FER1L5: variants seen among roughly 807,000 people sequenced by gnomAD.
The protein encoded by FER1L5 is fer-1-like protein 5.
A neutral mutation model predicts 279.9 loss-of-function variants in FER1L5; 187 were observed. The ratio of observed to expected loss-of-function variants is 0.67; its 90% CI spans 0.59 to 0.75. FER1L5 has a LOEUF of 0.75. Ranked by LOEUF, FER1L5 falls within the 30% of genes least tolerant of loss-of-function variation. The pLI is 0.00. For missense variants in FER1L5, 2,091 were observed against 2,594.4 expected (o/e 0.81, Z 4.21); for synonymous variants, 921 against 989.7 (o/e 0.93, Z 1.30).
chr2:96,660,615 C>A (rs2075917679), intron 10 of FER1L5, among the ~76,000 whole-genome samples: 1 of 152,172 alleles, frequency 6.6e-6, no homozygotes, highest in Non-Finnish European at 1.5e-5. Flanking sequence ...AGTGCAGTGG[C>A]TCAATCTTGG....
chr2:96,675,572 G>A (rs573533180), intron 19 of FER1L5, among the ~76,000 whole-genome samples: 19 of 151,916 alleles, frequency 1.3e-4, no homozygotes, highest in South Asian at 2.1e-4. Context: ...GATTACAGGC[G>A]CCTGCCACCA....
intron 50 of FER1L5, 77 bp from the exon 51 acceptor site, chr2:96,703,446 A>G: frequency 1.2e-6 from 2 of 1,606,740 alleles, no homozygotes; most frequent in Non-Finnish European, 1.7e-6. Flanking sequence ...TCCTTTCTTG[A>G]TCCCGGGAAG....
In FER1L5 at chr2:96,661,362, G is replaced by A. The variant is rs979452005; in HGVS notation, c.816G>A (p.Gln272=). The A allele has an allele frequency of 4.5e-6, 7 of 1,551,500 alleles. No individual in the cohort carries two copies. Among genetic ancestry groups the A allele is most frequent in the African/African-American group, 1.4e-5 (1 of 73,148 alleles). ...TAAGGAAATGGCTAGGCCTCTGCCA[G>A]CCAAATAACCCTGGCAGTGGTGTGA... is the stretch of plus-strand genomic sequence containing the variant. ...TLLRKWLGLC[Q]PNNPGSGVTG... is the part of the protein sequence containing the mutation. The change falls in exon 11 of 53, where the codon CAG becomes CAA. Residue 272 remains glutamine (Q), a synonymous_variant. Transcript: ENST00000624922.
intron 19 of FER1L5, among the ~76,000 whole-genome samples, chr2:96,683,892 G>A (rs1301767929): frequency 1.3e-5 from 2 of 152,202 alleles, no homozygotes; most frequent in Non-Finnish European, 2.9e-5. Flanking sequence ...CCCAGTCTGT[G>A]GCACCCATCG....
At chr2:96,657,480 A>C (rs1178649814) in intron 9 of FER1L5, among the ~76,000 whole-genome samples, 1 of 152,198 alleles carries the variant, frequency 6.6e-6, no homozygotes, top group Non-Finnish European at 1.5e-5. Context: ...GCACACCCAG[A>C]AGAAAACATC....
intron 12 of FER1L5, 120 bp from the exon 13 acceptor site, chr2:96,662,095 C>G: frequency 1.2e-5 from 12 of 1,007,526 alleles, no homozygotes; most frequent in Non-Finnish European, 1.8e-5. Flanking sequence ...GGAGACAGGT[C>G]TGCCCAGGGG....
chr2:96,674,730 G>A (rs185555245), intron 19 of FER1L5, among the ~76,000 whole-genome samples: 296 of 152,238 alleles, frequency 1.9e-3, no homozygotes, highest in Middle Eastern at 0.017. Context: ...AGGATCACCT[G>A]AGCCTGGGAG....
Position 96,644,632 on chromosome 2 carries a change from A to G in FER1L5, c.85+1711A>G, listed in dbSNP as rs565177666. Among the ~76,000 whole-genome samples the G allele has an allele frequency of 3.7e-4, 56 of 152,310 alleles. No individual in the cohort carries two copies. The South Asian group carries it at 0.011, about 29-fold the overall frequency. On this transcript the variant is annotated intron_variant, in intron 1 of 52. Transcript: ENST00000624922. ...GCAGGGAGAAAACCGGGCCCAAGAG[A>G]AAAGAGGACACAGTAGTTCCTACAG...
Position 96,702,127 on chromosome 2 carries a change from A to G in FER1L5, c.5159+84A>G. 6.4e-7 allele frequency: 1 copy of G among 1,570,932 alleles called. No individual in the cohort carries two copies. The highest frequency in any genetic ancestry group is 1.7e-4 in the Middle Eastern group (1 of 5,890). ...AGGGCACCACTGTCCTCAGGTACTG[A>G]GCTGCAGTAATTCGTTTCTCTATTG... On this transcript the variant is annotated intron_variant, in intron 46 of 52. Transcript: ENST00000624922. The surrounding 1 kb of genome is among the most constrained non-coding windows in gnomAD (Gnocchi z 4.0).
At position 96,691,921 on chromosome 2, in the gene FER1L5, A is replaced by T. The variant is rs1332181226; in HGVS notation, c.3172A>T (p.Thr1058Ser). ...RQFRDPQRQD[T>S]RPPNLPFIYC... ...GTTCAGGGACCCCCAGAGGCAGGAC[A>T]CCCGGCCCCCCAACTTGCCCTTCAT... is the stretch of plus-strand genomic sequence containing the variant. The change falls in exon 30 of 53, where the codon ACC becomes TCC. Residue 1058 changes from threonine (T) to serine (S), a missense_variant. Transcript: ENST00000624922. This position sits in a 1 kb window ranked among gnomAD's most constrained non-coding sequence, Gnocchi z 6.0. 2.0e-5 allele frequency: 30 copies of T among 1,536,146 alleles called. No individual in the cohort carries two copies. The highest frequency in any genetic ancestry group is 2.5e-5 in the Non-Finnish European group (29 of 1,142,236).
rs2077339709 is a variant in FER1L5, at chr2:96,695,547, C to T, written c.3780C>T (p.Ser1260=). 1.3e-6 allele frequency: 2 copies of T among 1,592,026 alleles called. No homozygotes were observed. Among genetic ancestry groups the T allele is most frequent in the Non-Finnish European group, 1.7e-6 (2 of 1,169,724 alleles). ...GCCTTCGGAACATGAAGAAGGCGAGCTCCCCCCAGCTCCTGGTGGAATTCG... is the reference window on the plus strand; with the variant it reads ...GCCTTCGGAACATGAAGAAGGCGAGTTCCCCCCAGCTCCTGGTGGAATTCG... The part of the protein sequence containing the change: ...AWGLRNMKKA[S]SPQLLVEFGE... The change falls in exon 35 of 53, where the codon AGC becomes AGT. Residue 1260 remains serine, a synonymous_variant. Transcript: ENST00000624922.
In FER1L5 at chr2:96,663,495, C is replaced by T. The variant is rs1266809238; in HGVS notation, c.1128C>T (p.Thr376=). The T allele has an allele frequency of 3.2e-6, 5 of 1,551,474 alleles. No individual in the cohort carries two copies. The highest frequency in any genetic ancestry group is 4.4e-6 in the Non-Finnish European group (5 of 1,146,950). Residue 376 remains threonine, a synonymous_variant, in exon 14 of 53, where the codon ACC becomes ACT. Coordinates refer to ENST00000624922, the MANE Select transcript of FER1L5 (RefSeq NM_001293083.2). ...TDNPIWNQIL[T]FRIQLPCLSS... ...ACCCGATATGGAACCAGATCCTGAC[C>T]TTCCGGATTCAGGTATGGCTCCTCC...
intron 13 of FER1L5, among the ~76,000 whole-genome samples, chr2:96,663,085 G>C (rs1393658058): frequency 6.6e-6 from 1 of 152,348 alleles, no homozygotes; most frequent in Admixed American, 6.5e-5. Context: ...GCCATTAGCT[G>C]TGTTTTTGCC....
At position 96,661,797 on chromosome 2, in the gene FER1L5, A is replaced by T; in HGVS notation, c.1018+6A>T. The T allele has an allele frequency of 1.3e-6, 2 of 1,551,288 alleles. No individual in the cohort carries two copies. Among genetic ancestry groups the T allele is most frequent in the Non-Finnish European group, 1.7e-6 (2 of 1,146,888 alleles). ...CGCAGAGGACCTTCACCTCAGTTAG[A>T]GTCTGGGTGCAGGGGAGGGAGCAGC... On this transcript the variant is annotated splice_donor_region_variant and intron_variant, in intron 12 of 52. Coordinates refer to ENST00000624922, the MANE Select transcript of FER1L5 (RefSeq NM_001293083.2).
intron 4 of FER1L5, 79 bp downstream of exon 4, chr2:96,647,965 G>A (rs1664752967): frequency 8.6e-7 from 1 of 1,169,548 alleles, no homozygotes; most frequent in Non-Finnish European, 1.2e-6. Context: ...CACCACAAGA[G>A]TGCTTCCTGC....
chr2:96,687,067 C>T (rs948546131), intron 23 of FER1L5, among the ~76,000 whole-genome samples: 6 of 152,146 alleles, frequency 3.9e-5, no homozygotes, highest in Non-Finnish European at 8.8e-5. Flanking sequence ...ACCCCCACCC[C>T]TGGCTGTGAC....
At chr2:96,660,934 A>G (rs944343917) in intron 10 of FER1L5, among the ~76,000 whole-genome samples, 4 of 152,222 alleles carry the variant, frequency 2.6e-5, no homozygotes, top group African/African-American at 7.2e-5. Flanking sequence ...TTATATTACA[A>G]TCCTGGGTTA....
chr2:96,699,449 C>A, intron 42 of FER1L5, 101 bp from the exon 43 acceptor site: 1 of 1,331,618 alleles, frequency 7.5e-7, no homozygotes, highest in Non-Finnish European at 1.0e-6. Context: ...CCACAATCTC[C>A]ATGAACAAAC....
At position 96,673,236 on chromosome 2, in the gene FER1L5, A is replaced by G; in HGVS notation, c.1651A>G (p.Ser551Gly). The part of the protein sequence containing the change: ...YKPLVSSTPY[S>G]PVIYDGNIYH... ...GCCTCTAGTCTCAAGCACACCGTAC[A>G]GCCCAGTGATATATGATGGTAATTG... The change falls in exon 19 of 53, where the codon AGC (serine) becomes GGC (glycine). Residue 551 changes from serine to glycine, a missense_variant. Transcript: ENST00000624922. The G allele has an allele frequency of 6.4e-7, 1 of 1,550,924 alleles. No individual in the cohort carries two copies. The highest frequency in any genetic ancestry group is 8.7e-7 in the Non-Finnish European group (1 of 1,146,402).
Sources: gnomAD v4.1 joint callset for allele counts (sites outside exome capture counted in the v4.1 genomes callset) on GRCh38, gnomAD v4.1.1 for gene constraint, Gnocchi (gnomAD v3.1) non-coding constraint, MANE v1.5 for transcripts, NCBI Gene and HGNC (gene_info 2026-07-23, HGNC 2026-07-21) for gene names.